Variants in FAT3 observed in about 807,000 individuals in gnomAD.
FAT3 encodes the protein protocadherin Fat 3.
In FAT3, 95 loss-of-function variants were observed where a neutral mutation model predicts 310.2. The observed-to-expected ratio is 0.31, with a 90% CI of 0.26 to 0.36. The LOEUF is 0.36. FAT3 is among the 10% of genes least tolerant of loss of function. The probability of loss-of-function intolerance (pLI) is 1.00; values close to 1 mark genes in which losing one functional copy is unlikely to be tolerated. For missense variants in FAT3, 5,408 were observed against 5,715.6 expected, an observed-to-expected ratio of 0.95 and a Z score of 1.74; for synonymous variants, 2,314 against 2,192.9, an observed-to-expected ratio of 1.06 and a Z score of -1.54.
At chr11:92,314,153 A>G (rs1405408036) in intron 1 of FAT3, 1 of 249,122 alleles carries the variant, frequency 4.0e-6, no homozygotes, top group African/African-American at 2.3e-5. Flanking sequence ...GTTGTGTGAC[A>G]TTCTCAAAAG....
intron 1 of FAT3, among the ~76,000 whole-genome samples, chr11:92,226,878 A>T (rs988155918): frequency 6.6e-6 from 1 of 152,118 alleles, no homozygotes; most frequent in Non-Finnish European, 1.5e-5. Context: ...TAATGATTGA[A>T]GTCTTTTTCC....
intron 7 of FAT3, among the ~76,000 whole-genome samples, chr11:92,779,142 G>T (rs1303480547): frequency 6.6e-6 from 1 of 152,098 alleles, no homozygotes; most frequent in Non-Finnish European, 1.5e-5. Flanking sequence ...TTATGAGCAA[G>T]GGAGGAATAG....
rs1947317842 is a variant in FAT3 at position 92,800,733 on chromosome 11, G to A, written c.7720G>A (p.Ala2574Thr). The A allele has an allele frequency of 6.2e-7, 1 of 1,613,930 alleles. No individual in the cohort carries two copies. The highest frequency in any genetic ancestry group is 8.5e-7 in the Non-Finnish European group (1 of 1,179,876). Residue 2574 changes from alanine to threonine, a missense_variant, in exon 10 of 28, where the codon GCC becomes ACC. By Grantham distance (58) the Ala-to-Thr change is moderately conservative. Around this residue, in one of 5 missense-constraint regions of FAT3, gnomAD observed 4,588 missense variants for 4,809.8 expected, o/e 0.95. Coordinates refer to ENST00000525166, the MANE Select transcript of FAT3 (RefSeq NM_001367949.2). ...AGGGGATGTTAGTATTTTTGTGAGG[G>A]CCCTTGATGGTGGAGGGAGAACAAC... ...LEGDVSIFVR[A>T]LDGGGRTTFC...
intron 2 of FAT3, among the ~76,000 whole-genome samples, chr11:92,430,900 C>T (rs1156661986): frequency 6.6e-6 from 1 of 152,058 alleles, no homozygotes; most frequent in Admixed American, 6.6e-5. Flanking sequence ...TTTCTTAATC[C>T]AGTCTATCAT....
At chr11:92,792,675 T>C in intron 8 of FAT3, 92 bp from the exon 9 acceptor site, 2 of 1,242,698 alleles carry the variant, frequency 1.6e-6, no homozygotes, top group Non-Finnish European at 2.3e-6. Context: ...TTTGCGTGCA[T>C]TATTTCATTT....
chr11:92,705,988 ATGG>A (rs777945292), intron 4 of FAT3, among the ~76,000 whole-genome samples: 24 of 100,644 alleles, frequency 2.4e-4, no homozygotes, highest in South Asian at 5.4e-4. Context: ...AGTGATGGTG[ATGG>A]TGGTGGTGGT....
intron 19 of FAT3, 40 bp from the exon 20 acceptor site, chr11:92,857,174 C>G (rs1159386358): frequency 6.2e-7 from 1 of 1,613,508 alleles, no homozygotes; most frequent in East Asian, 2.2e-5. Flanking sequence ...AGGGTGAATC[C>G]CTTTGTGTAC....
intron 1 of FAT3, among the ~76,000 whole-genome samples, chr11:92,315,473 GTGTGTGTATATATATA>G (rs1480523053): frequency 1.3e-5 from 1 of 79,192 alleles, no homozygotes; most frequent in Non-Finnish European, 2.2e-5. Flanking sequence ...GTGTGTGTGT[GTGTGTGTATATATATA>G]TATATATATA....
chr11:92,837,694 T>C lies in FAT3; in HGVS notation c.10256T>C (p.Val3419Ala). Residue 3419 changes from valine (V) to alanine (A), a missense_variant, in exon 17 of 28, where the codon GTA becomes GCA. Transcript: ENST00000525166. The part of the protein sequence containing the change: ...VSGYSLLVQA[V>A]DSGIPAMSST... ...GGATACTCTCTGCTTGTCCAGGCCG[T>C]AGACAGTGGCATTCCTGCAATGTCA... 6.2e-7 allele frequency: 1 copy of C among 1,613,902 alleles called. No homozygotes were observed. Among genetic ancestry groups the C allele is most frequent in the Non-Finnish European group, 8.5e-7 (1 of 1,179,868 alleles).
intron 2 of FAT3, among the ~76,000 whole-genome samples, chr11:92,396,975 G>A (rs979624261): frequency 4.6e-5 from 7 of 152,116 alleles, no homozygotes; most frequent in Admixed American, 3.9e-4. Flanking sequence ...CCAAAATGCT[G>A]GGACTGCAGG....
intron 3 of FAT3, among the ~76,000 whole-genome samples, chr11:92,688,416 G>A (rs1214392385): frequency 6.6e-6 from 1 of 151,918 alleles, no homozygotes; most frequent in Non-Finnish European, 1.5e-5. Context: ...ATTTAGATAA[G>A]CCAATAAAAG....
At chr11:92,311,190 A>G (rs1469218588) in intron 1 of FAT3, among the ~76,000 whole-genome samples, 5 of 152,134 alleles carry the variant, frequency 3.3e-5, no homozygotes, top group African/African-American at 1.2e-4. Flanking sequence ...ACCTTTGGTT[A>G]AGAATCATTT....
chr11:92,303,146 A>G (rs1007134114), intron 1 of FAT3, among the ~76,000 whole-genome samples: 1 of 152,094 alleles, frequency 6.6e-6, no homozygotes. Context: ...CCTCTGTACA[A>G]TTTTACAGTT....
intron 4 of FAT3, among the ~76,000 whole-genome samples, chr11:92,708,251 A>G (rs898535823): frequency 1.3e-5 from 2 of 152,240 alleles, no homozygotes; most frequent in African/African-American, 4.8e-5. Context: ...GGGAGTGTAG[A>G]ACTGTAAGGA....
At chr11:92,260,638 A>T (rs1019035125) in intron 1 of FAT3, among the ~76,000 whole-genome samples, 1 of 152,162 alleles carries the variant, frequency 6.6e-6, no homozygotes, top group Non-Finnish European at 1.5e-5. Flanking sequence ...AGGACTCATG[A>T]TGTAGACCAG....
intron 2 of FAT3, among the ~76,000 whole-genome samples, chr11:92,479,936 C>T (rs1399377174): frequency 6.6e-6 from 1 of 152,092 alleles, no homozygotes; most frequent in East Asian, 1.9e-4. Flanking sequence ...CGGTGGGAAT[C>T]CCTCCCTCAC....
chr11:92,863,617 G>A (rs1019338402), intron 21 of FAT3, among the ~76,000 whole-genome samples: 5 of 152,042 alleles, frequency 3.3e-5, no homozygotes, highest in African/African-American at 7.2e-5. Flanking sequence ...TTTCAGTATC[G>A]TTGCTATAGA....
chr11:92,346,244 C>T (rs771598501), intron 1 of FAT3, among the ~76,000 whole-genome samples: 11 of 152,138 alleles, frequency 7.2e-5, no homozygotes, highest in Non-Finnish European at 2.9e-5. Flanking sequence ...GAAGATAGGG[C>T]TAAGCAGTAT....
intron 3 of FAT3, among the ~76,000 whole-genome samples, chr11:92,525,962 A>G (rs1953847537): frequency 6.6e-6 from 1 of 152,246 alleles, no homozygotes; most frequent in Admixed American, 6.5e-5. Context: ...GGTTTAAGAA[A>G]GAAAATTATT....
Sources: gnomAD v4.1 joint callset for allele counts (sites outside exome capture counted in the v4.1 genomes callset) on GRCh38, gnomAD v4.1.1 for gene constraint, gnomAD v4.1.1 regional missense constraint, MANE v1.5 for transcripts, NCBI Gene and HGNC (gene_info 2026-07-23, HGNC 2026-07-21) for gene names.